Variants in ROBO2 observed in about 807,000 individuals in gnomAD.
ROBO2 encodes the protein roundabout homolog 2.
ROBO2 carries 53 observed loss-of-function variants against 160.8 expected under a neutral mutation model. The ratio of observed to expected loss-of-function variants is 0.33; its 90% CI spans 0.26 to 0.41. The LOEUF (loss-of-function observed/expected upper bound fraction) is 0.41, where lower values mean the gene tolerates loss of function less well. Among genes scored for constraint, ROBO2 ranks in the 10% least tolerant of loss-of-function variants. The pLI is 1.00. For missense variants in ROBO2, 1,577 were observed against 1,722.4 expected (o/e 0.92, Z 1.49); for synonymous variants, 664 against 611.7 (o/e 1.09, Z -1.26).
chr3:76,606,517 T>G (rs1425876994), intron 2 of ROBO2, among the ~76,000 whole-genome samples: 1 of 152,194 alleles, frequency 6.6e-6, no homozygotes, highest in Non-Finnish European at 1.5e-5. Flanking sequence ...AATTATTATT[T>G]TACAAGTCTC....
chr3:76,195,350 A>G (rs1702212067), intron 2 of ROBO2, among the ~76,000 whole-genome samples: 1 of 152,324 alleles, frequency 6.6e-6, no homozygotes, highest in Admixed American at 6.5e-5. Context: ...TGAGGAACTC[A>G]CAGATCACCT....
chr3:76,229,412 A>G (rs1347371988), intron 2 of ROBO2, among the ~76,000 whole-genome samples: 1 of 72,198 alleles, frequency 1.4e-5, no homozygotes, highest in Non-Finnish European at 4.7e-5. Flanking sequence ...TAGTTGTATC[A>G]TCATTTCAAA....
chr3:76,148,360 A>G (rs575480918), intron 2 of ROBO2, among the ~76,000 whole-genome samples: 2 of 152,088 alleles, frequency 1.3e-5, no homozygotes, highest in African/African-American at 4.8e-5. Context: ...ATTTTTCCCC[A>G]TTGATTACCT....
At chr3:76,967,590 T>G (rs1053204006) in intron 2 of ROBO2, among the ~76,000 whole-genome samples, 4 of 137,864 alleles carry the variant, frequency 2.9e-5, no homozygotes, top group Non-Finnish European at 4.6e-5. Flanking sequence ...GGCAAGATAA[T>G]AGCTCACTGC....
rs547740916 is a variant in ROBO2, at chr3:76,506,403, G to A, written c.109+568801G>A. On this transcript the variant is annotated intron_variant, in intron 2 of 26. Transcript: ENST00000487694. ...TGGCACCAATGTTCCAGCTACACTA[G>A]ATTACATGTCATCCTTCAATGTATC... is the stretch of plus-strand genomic sequence containing the variant. Among the ~76,000 whole-genome samples, 3 of 152,166 alleles carry A rather than the reference G, an allele frequency of 2.0e-5. No homozygotes were observed. The South Asian group carries it at 6.2e-4, about 32-fold the overall frequency.
At position 75,916,354 on chromosome 3, in the gene ROBO2, TTTA is replaced by T. The variant is rs1427476131; in HGVS notation, c.-14+9400_-14+9402del. ...TCCTTGAAACTCACTGATTTATTTA[TTTA>T]TTATTTCGGGGGGATCACTATTATT... On this transcript the variant is annotated intron_variant, in intron 1 of 26. Transcript: ENST00000487694. Among the ~76,000 whole-genome samples, 3 of 152,170 alleles carry T rather than the reference TTTA, an allele frequency of 2.0e-5. 1 individual carries two copies. In the South Asian group the frequency reaches 6.2e-4, roughly 31 times the overall value.
At chr3:76,243,962 G>T (rs1279397721) in intron 2 of ROBO2, among the ~76,000 whole-genome samples, 2 of 152,004 alleles carry the variant, frequency 1.3e-5, no homozygotes, top group African/African-American at 4.8e-5. Context: ...GGAGCTTGGG[G>T]GAGGAGCTGG....
At chr3:77,503,393 C>CG (rs1461238614) in intron 5 of ROBO2, among the ~76,000 whole-genome samples, 4 of 150,992 alleles carry the variant, frequency 2.6e-5, no homozygotes, top group East Asian at 2.0e-4. Flanking sequence ...GGCGTGGTGG[C>CG]GGCGCCTGTA....
At chr3:76,760,451 C>T (rs1395589019) in intron 2 of ROBO2, among the ~76,000 whole-genome samples, 2 of 151,726 alleles carry the variant, frequency 1.3e-5, no homozygotes, top group East Asian at 3.9e-4. Flanking sequence ...GCCAAGAACA[C>T]TTCTTCTATA....
At chr3:77,408,259 A>T (rs2076418221) in intron 2 of ROBO2, among the ~76,000 whole-genome samples, 1 of 152,188 alleles carries the variant, frequency 6.6e-6, no homozygotes, top group Non-Finnish European at 1.5e-5. Flanking sequence ...AATATTTTTA[A>T]TTCCACACTA....
chr3:76,149,268 A>G (rs2072049323), intron 2 of ROBO2, among the ~76,000 whole-genome samples: 1 of 152,128 alleles, frequency 6.6e-6, no homozygotes, highest in Non-Finnish European at 1.5e-5. Context: ...TAGTCCTTTA[A>G]AAATGTGTAT....
chr3:76,988,479 G>A (rs949887223), intron 2 of ROBO2, among the ~76,000 whole-genome samples: 3 of 152,182 alleles, frequency 2.0e-5, no homozygotes, highest in African/African-American at 7.2e-5. Context: ...AAATCTAGAA[G>A]AGAGTGCTCC....
rs528706087 is a variant in ROBO2 at position 76,044,742 on chromosome 3, A to G, written c.109+107140A>G. ...ATGTGCATAAATAAAATACTCTGGGATAAGTGCCATGACTAAAATACACAG... is the reference window on the plus strand; with the variant it reads ...ATGTGCATAAATAAAATACTCTGGGGTAAGTGCCATGACTAAAATACACAG... On this transcript the variant is annotated intron_variant, in intron 2 of 26. Transcript: ENST00000487694. 1.2e-3 allele frequency among the ~76,000 whole-genome samples: 179 copies of G among 152,194 alleles called. 2 individuals carry two copies. The highest frequency in any genetic ancestry group is 2.8e-3 in the African/African-American group (115 of 41,444).
At chr3:77,082,910 G>A (rs1203740888) in intron 1 of ROBO2, among the ~76,000 whole-genome samples, 1 of 151,534 alleles carries the variant, frequency 6.6e-6, no homozygotes, top group African/African-American at 2.4e-5. Context: ...GTATTTAAAT[G>A]TACTCACACC....
intron 7 of ROBO2, among the ~76,000 whole-genome samples, chr3:77,548,156 TACAC>T (rs147388507): frequency 1.4e-5 from 2 of 147,284 alleles, no homozygotes; most frequent in South Asian, 4.3e-4. Flanking sequence ...TACATACACA[TACAC>T]ACACACACAC....
At chr3:76,393,766 T>G (rs1335588143) in intron 2 of ROBO2, among the ~76,000 whole-genome samples, 1 of 152,198 alleles carries the variant, frequency 6.6e-6, no homozygotes, top group African/African-American at 2.4e-5. Context: ...GGAGTGTATC[T>G]GAGTCTTTAG....
intron 5 of ROBO2, among the ~76,000 whole-genome samples, chr3:77,517,032 A>G (rs1427881582): frequency 6.6e-6 from 1 of 151,666 alleles, no homozygotes; most frequent in African/African-American, 2.4e-5. Context: ...TTCCCATGGA[A>G]CATACATGCT....
At chr3:77,134,287 G>T (rs1253365760) in intron 2 of ROBO2, among the ~76,000 whole-genome samples, 2 of 152,164 alleles carry the variant, frequency 1.3e-5, no homozygotes, top group African/African-American at 4.8e-5. Flanking sequence ...TGATAGGTAA[G>T]CTTTTAAAAA....
chr3:77,067,251 A>C (rs1269251713), intron 1 of ROBO2, among the ~76,000 whole-genome samples: 2 of 152,172 alleles, frequency 1.3e-5, no homozygotes, highest in Non-Finnish European at 2.9e-5. Context: ...ATTTATAGTG[A>C]GTAGAATTTT....
Sources: gnomAD v4.1 joint callset for allele counts (sites outside exome capture counted in the v4.1 genomes callset) on GRCh38, gnomAD v4.1.1 for gene constraint, MANE v1.5 for transcripts, NCBI Gene and HGNC (gene_info 2026-07-23, HGNC 2026-07-21) for gene names.